The following CLNK variants were observed in gnomAD, a reference collection of about 807,000 sequenced individuals.
The protein encoded by CLNK is cytokine-dependent hematopoietic cell linker.
In CLNK, 74 loss-of-function variants were observed where a neutral mutation model predicts 68.6. The observed-to-expected ratio is 1.08, with a 90% confidence interval of 0.89 to 1.31. CLNK has a LOEUF of 1.31. Ranked by LOEUF, CLNK falls within the 50% of genes most tolerant of loss-of-function variation. The pLI is 0.00. For synonymous variants in CLNK, 198 were observed against 172.2 expected (o/e 1.15, Z -1.17); for missense variants, 553 against 515.3 (o/e 1.07, Z -0.71).
At chr4:10,670,560 T>C (rs1373588507) in intron 1 of CLNK, among the ~76,000 whole-genome samples, 1 of 152,248 alleles carries the variant, frequency 6.6e-6, no homozygotes, top group African/African-American at 2.4e-5. Flanking sequence ...AGGTGGCCAA[T>C]GAAGCTGCTT....
At chr4:10,527,248 A>C (rs142874668) in intron 13 of CLNK, among the ~76,000 whole-genome samples, 28 of 152,334 alleles carry the variant, frequency 1.8e-4, no homozygotes, top group Admixed American at 1.8e-3. Context: ...GCATGGTTTC[A>C]GTTAGGTTTT....
chr4:10,504,116 C>CTTTTTTTTTTTTTTTT (rs10660433), intron 17 of CLNK, among the ~76,000 whole-genome samples: 1 of 67,328 alleles, frequency 1.5e-5, no homozygotes, highest in Admixed American at 2.6e-4. Flanking sequence ...TCTTTGGGTT[C>CTTTTTTTTTTTTTTTT]TTTTTTTTTT....
At chr4:10,543,454 A>T (rs1221081154) in intron 8 of CLNK, among the ~76,000 whole-genome samples, 1 of 152,202 alleles carries the variant, frequency 6.6e-6, no homozygotes, top group Non-Finnish European at 1.5e-5. Flanking sequence ...TGAGACAAGG[A>T]GGTTGGACTA....
At chr4:10,554,296 A>T (rs1014352919) in intron 8 of CLNK, among the ~76,000 whole-genome samples, 3 of 152,170 alleles carry the variant, frequency 2.0e-5, no homozygotes, top group African/African-American at 7.2e-5. Context: ...TTTCATGGGG[A>T]AGGCCGTACT....
At chr4:10,713,291 G>A in the CLNK span, among the ~76,000 whole-genome samples, 4 of 152,190 alleles carry the variant, frequency 2.6e-5, no homozygotes. Context: ...GGGAGATGGT[G>A]TTGTCAAGTG....
At chr4:10,725,530 A>G in the CLNK span, among the ~76,000 whole-genome samples, 1 of 152,208 alleles carries the variant, frequency 6.6e-6, no homozygotes, top group Middle Eastern at 3.4e-3. Flanking sequence ...CAAGCTGTAG[A>G]AAGAAAATGC....
At chr4:10,713,055 G>A in the CLNK span, among the ~76,000 whole-genome samples, 4 of 152,162 alleles carry the variant, frequency 2.6e-5, no homozygotes, top group Admixed American at 6.5e-5. Context: ...TTTTAGAGAC[G>A]CCTTCCAACC....
chr4:10,603,207 G>C (rs1444824151), intron 2 of CLNK, among the ~76,000 whole-genome samples: 1 of 152,138 alleles, frequency 6.6e-6, no homozygotes, highest in East Asian at 1.9e-4. Context: ...GCAGGCTGCT[G>C]AGAAATCACT....
the CLNK span, among the ~76,000 whole-genome samples, chr4:10,732,920 G>T: frequency 6.6e-6 from 1 of 152,148 alleles, no homozygotes; most frequent in African/African-American, 2.4e-5. Flanking sequence ...TATTTATGCT[G>T]CTCCCTTTTG....
At chr4:10,535,376 G>A (rs1008276750) in intron 11 of CLNK, among the ~76,000 whole-genome samples, 7 of 152,162 alleles carry the variant, frequency 4.6e-5, no homozygotes, top group Non-Finnish European at 8.8e-5. Flanking sequence ...TGAGTGTACT[G>A]AAGCTTAAAG....
At chr4:10,671,626 A>G (rs1363513975) in intron 1 of CLNK, among the ~76,000 whole-genome samples, 1 of 152,166 alleles carries the variant, frequency 6.6e-6, no homozygotes, top group East Asian at 1.9e-4. Flanking sequence ...TTTTGAAGGT[A>G]ATAAATTATA....
At chr4:10,731,337 A>C in the CLNK span, among the ~76,000 whole-genome samples, 1 of 152,216 alleles carries the variant, frequency 6.6e-6, no homozygotes, top group African/African-American at 2.4e-5. Context: ...CAATGCAACC[A>C]CAGGGGATTT....
chr4:10,527,472 C>T (rs776963383), intron 13 of CLNK, among the ~76,000 whole-genome samples: 3 of 152,220 alleles, frequency 2.0e-5, no homozygotes, highest in African/African-American at 7.2e-5. Context: ...CTCTGTTGAA[C>T]GATGCTGTCT....
intron 1 of CLNK, among the ~76,000 whole-genome samples, chr4:10,673,087 T>C (rs1020581552): frequency 1.3e-5 from 2 of 152,344 alleles, no homozygotes; most frequent in African/African-American, 2.4e-5. Context: ...ATGTCAAGCA[T>C]CAATTTCTCT....
intron 1 of CLNK, 67 bp from the exon 2 acceptor site, chr4:10,667,978 C>T: frequency 1.2e-6 from 1 of 844,220 alleles, no homozygotes; most frequent in Non-Finnish European, 1.8e-6. Context: ...GGGAACAAGC[C>T]ACTGTTGCTG....
At chr4:10,615,234 C>A (rs1464322200) in intron 2 of CLNK, among the ~76,000 whole-genome samples, 1 of 151,994 alleles carries the variant, frequency 6.6e-6, no homozygotes, top group Non-Finnish European at 1.5e-5. Context: ...AATCCCAGCA[C>A]TTTGGGAGGC....
In CLNK at chr4:10,568,466, C is replaced by T. The variant is rs184026635; in HGVS notation, c.151-2316G>A. Among the ~76,000 whole-genome samples, 4 of 152,176 alleles carry T rather than the reference C, an allele frequency of 2.6e-5. No individual in the cohort carries two copies. In the South Asian group the frequency reaches 6.2e-4, roughly 24 times the overall value. On this transcript the variant is annotated intron_variant, in intron 5 of 18. Coordinates refer to ENST00000226951, the MANE Select transcript of CLNK (RefSeq NM_052964.4). ...GCAACTCTGTGAATATACAAAAAAACCATTAAATTGTACTCATAAAATGCG... is the reference window on the plus strand; with the variant it reads ...GCAACTCTGTGAATATACAAAAAAATCATTAAATTGTACTCATAAAATGCG...
the CLNK span, among the ~76,000 whole-genome samples, chr4:10,708,991 A>C: frequency 1.3e-5 from 2 of 152,208 alleles, no homozygotes; most frequent in African/African-American, 4.8e-5. Context: ...GGCTTAACAA[A>C]TCAATTGAGA....
At chr4:10,651,758 T>C (rs1006922455) in intron 2 of CLNK, among the ~76,000 whole-genome samples, 4 of 152,166 alleles carry the variant, frequency 2.6e-5, no homozygotes, top group East Asian at 1.9e-4. Flanking sequence ...AGCATATAAA[T>C]TGTGAGTGAT....
Sources: allele counts gnomAD v4.1 joint callset (sites outside exome capture counted in the v4.1 genomes callset), GRCh38; gene constraint gnomAD v4.1.1; transcripts MANE v1.5; gene names NCBI Gene and HGNC (gene_info 2026-07-23, HGNC 2026-07-21).